Variants in WDR37 observed in about 807,000 individuals in gnomAD.
The protein encoded by WDR37 is WD repeat domain 37, also known as WD repeat-containing protein 37.
WDR37 carries 19 observed loss-of-function variants against 62.9 expected under a neutral mutation model. The ratio of observed to expected loss-of-function variants is 0.30; its 90% CI spans 0.21 to 0.44. The LOEUF is 0.44. Among genes scored for constraint, WDR37 ranks in the 20% least tolerant of loss-of-function variants. WDR37 has a pLI of 1.00. For synonymous variants in WDR37, 250 were observed against 260.9 expected (o/e 0.96, Z 0.40); for missense variants, 474 against 657.6 (o/e 0.72, Z 3.05).
intron 11 of WDR37, among the ~76,000 whole-genome samples, chr10:1,108,863 A>G (rs1835115400): frequency 6.6e-6 from 1 of 152,146 alleles, no homozygotes; most frequent in Admixed American, 6.6e-5. Flanking sequence ...ATGGAGCACA[A>G]AAATCTGTCA....
At chr10:1,122,512 A>T (rs1413571134) in intron 11 of WDR37, among the ~76,000 whole-genome samples, 3 of 152,190 alleles carry the variant, frequency 2.0e-5, no homozygotes, top group Admixed American at 1.3e-4. Context: ...GCCCAGCTGC[A>T]TGGCGAGCAT....
At position 1,103,325 on chromosome 10, in the gene WDR37, C is replaced by T. The variant is rs1238772196; in HGVS notation, c.727-277C>T. 1.3e-5 allele frequency among the ~76,000 whole-genome samples: 2 copies of T among 152,108 alleles called. No homozygotes were observed. The highest frequency in any genetic ancestry group is 2.9e-5 in the Non-Finnish European group (2 of 68,020). On this transcript the variant is annotated intron_variant, in intron 9 of 13. Transcript: ENST00000263150. The surrounding 1 kb of genome is among the most constrained non-coding windows in gnomAD (Gnocchi z 6.3). ...CATTTTATTTGCCATTCTGTTGATG[C>T]GTGGAAATAAATGGTAGTTCGGTTG...
chr10:1,105,110 G>A lies in WDR37; in HGVS notation c.962-16G>A. 2 of 1,613,468 alleles carry A rather than the reference G, an allele frequency of 1.2e-6. No homozygotes were observed. The highest frequency in any genetic ancestry group is 1.7e-6 in the Non-Finnish European group (2 of 1,179,510). On this transcript the variant is annotated splice_polypyrimidine_tract_variant and intron_variant, in intron 10 of 13. Transcript: ENST00000263150. This position sits in a 1 kb window ranked among gnomAD's most constrained non-coding sequence, Gnocchi z 5.3. ...TCCTCAGGTGATGACCTTGTGTTTTGCCATCTTGGTTACAGGGCACGACCA... is the reference window on the plus strand; with the variant it reads ...TCCTCAGGTGATGACCTTGTGTTTTACCATCTTGGTTACAGGGCACGACCA...
chr10:1,102,596 G>T lies in WDR37; in HGVS notation c.727-1006G>T, dbSNP rs563886616. Among the ~76,000 whole-genome samples, 484 of 152,170 alleles carry T rather than the reference G, an allele frequency of 3.2e-3. 7 individuals are homozygous for T. The highest frequency in any genetic ancestry group is 1.6e-3 in the Non-Finnish European group (111 of 68,010). On this transcript the variant is annotated intron_variant, in intron 9 of 13. Coordinates refer to ENST00000263150, the MANE Select transcript of WDR37 (RefSeq NM_014023.4). ...AACAGGAGTAAGGCGGGGGCGGGGG[G>T]TGCCCCACATCCAAGCAGCCAGATC...
chr10:1,127,725 C>T (rs1054990330), intron 13 of WDR37, among the ~76,000 whole-genome samples: 3 of 152,152 alleles, frequency 2.0e-5, no homozygotes, highest in Non-Finnish European at 4.4e-5. Flanking sequence ...CGTGGAGGCT[C>T]ACGGAGTGTG....
chr10:1,057,520 G>C (rs1339523421), intron 1 of WDR37, among the ~76,000 whole-genome samples: 3 of 152,136 alleles, frequency 2.0e-5, no homozygotes, highest in Non-Finnish European at 2.9e-5. Flanking sequence ...ATGCTGAAGT[G>C]ATTAACACAG....
At chr10:1,075,566 A>G (rs1417319291) in intron 2 of WDR37, among the ~76,000 whole-genome samples, 2 of 152,128 alleles carry the variant, frequency 1.3e-5, no homozygotes, top group African/African-American at 2.4e-5. Flanking sequence ...GCTGAACAAT[A>G]AGAGCCTTAA....
In WDR37 at chr10:1,105,878, C is replaced by T. The variant is rs926599693; in HGVS notation, c.1103+611C>T. Among the ~76,000 whole-genome samples the T allele has an allele frequency of 5.9e-5, 9 of 151,994 alleles. No individual in the cohort carries two copies. Among genetic ancestry groups the T allele is most frequent in the South Asian group, 2.1e-4 (1 of 4,814 alleles). On this transcript the variant is annotated intron_variant, in intron 11 of 13. Transcript: ENST00000263150. The surrounding 1 kb of genome is among the most constrained non-coding windows in gnomAD (Gnocchi z 5.3). Reference sequence around the variant, plus strand: ...TCGGCTCACTGCAAGCTCCGCCTCCCGGGTTCACGCCATTCTCCTGCCTCA... The same window carrying T: ...TCGGCTCACTGCAAGCTCCGCCTCCTGGGTTCACGCCATTCTCCTGCCTCA...
intron 5 of WDR37, among the ~76,000 whole-genome samples, chr10:1,081,056 C>G (rs936126904): frequency 4.6e-5 from 7 of 152,050 alleles, no homozygotes; most frequent in African/African-American, 1.7e-4. Flanking sequence ...TATAAAGGGT[C>G]TGAATTTGGA....
At chr10:1,093,867 A>G (rs143024836) in intron 8 of WDR37, among the ~76,000 whole-genome samples, 1 of 152,360 alleles carries the variant, frequency 6.6e-6, no homozygotes, top group African/African-American at 2.4e-5. Flanking sequence ...GGAAAAGAGA[A>G]AAGTAGCACA....
At chr10:1,120,957 C>T (rs555938864) in intron 11 of WDR37, among the ~76,000 whole-genome samples, 60 of 152,346 alleles carry the variant, frequency 3.9e-4, no homozygotes, top group African/African-American at 1.4e-3. Flanking sequence ...CCAGACCAGG[C>T]AGTGGTGTGC....
At chr10:1,069,260 C>T (rs1833646735) in intron 1 of WDR37, among the ~76,000 whole-genome samples, 1 of 150,816 alleles carries the variant, frequency 6.6e-6, no homozygotes, top group Non-Finnish European at 1.5e-5. Context: ...GACTGAGCAG[C>T]CTTATTCTTG....
At chr10:1,057,778 C>T (rs980656699) in intron 1 of WDR37, among the ~76,000 whole-genome samples, 7 of 152,118 alleles carry the variant, frequency 4.6e-5, no homozygotes, top group Non-Finnish European at 1.0e-4. Context: ...AAACATTCGT[C>T]CCTTGAAGCG....
intron 9 of WDR37, among the ~76,000 whole-genome samples, chr10:1,100,980 C>A (rs746067380): frequency 6.6e-6 from 1 of 152,244 alleles, no homozygotes; most frequent in South Asian, 2.1e-4. Flanking sequence ...TTGTGCCACC[C>A]GTCTCAGGAA....
intron 1 of WDR37, among the ~76,000 whole-genome samples, chr10:1,071,787 G>A (rs1221304133): frequency 6.6e-6 from 1 of 152,162 alleles, no homozygotes; most frequent in Non-Finnish European, 1.5e-5. Flanking sequence ...TCTAGAATAT[G>A]CAATTAACAT....
intron 13 of WDR37, among the ~76,000 whole-genome samples, chr10:1,126,235 C>G (rs1472392679): frequency 6.6e-6 from 1 of 152,000 alleles, no homozygotes; most frequent in Non-Finnish European, 1.5e-5. Context: ...GAAACCCTGT[C>G]TCTAATAAAA....
chr10:1,058,257 T>G (rs1833263937), intron 1 of WDR37, among the ~76,000 whole-genome samples: 1 of 152,238 alleles, frequency 6.6e-6, no homozygotes, highest in Non-Finnish European at 1.5e-5. Context: ...CTCCCTGTCC[T>G]CTAACATGGT....
At chr10:1,122,872 A>G (rs558592642) in intron 11 of WDR37, among the ~76,000 whole-genome samples, 1 of 152,330 alleles carries the variant, frequency 6.6e-6, no homozygotes, top group East Asian at 1.9e-4. Context: ...TCTCAGTGCA[A>G]TTCAAGTGAT....
chr10:1,120,150 A>G (rs1015053181), intron 11 of WDR37, among the ~76,000 whole-genome samples: 1 of 152,160 alleles, frequency 6.6e-6, no homozygotes, highest in Non-Finnish European at 1.5e-5. Flanking sequence ...TGCTTGTGTG[A>G]GTTCTTGAAT....
Sources: allele counts gnomAD v4.1 joint callset (sites outside exome capture counted in the v4.1 genomes callset), GRCh38; gene constraint gnomAD v4.1.1; non-coding constraint Gnocchi (gnomAD v3.1); transcripts MANE v1.5; gene names NCBI Gene and HGNC (gene_info 2026-07-23, HGNC 2026-07-21).